Variants in MAF observed in about 807,000 individuals in gnomAD.
MAF encodes the protein MAF bZIP transcription factor, also known as transcription factor Maf.
MAF carries 10 observed loss-of-function variants against 22.0 expected under a neutral mutation model. The ratio of observed to expected loss-of-function variants is 0.45; its 90% CI spans 0.28 to 0.77. The LOEUF is 0.77. Ranked by LOEUF, MAF falls within the 30% of genes least tolerant of loss-of-function variation. The pLI is 0.12. For synonymous variants in MAF, 337 were observed against 255.8 expected, an observed-to-expected ratio of 1.32 and a Z score of -3.03; for missense variants, 544 against 548.4, an observed-to-expected ratio of 0.99 and a Z score of 0.08.
At chr16:79,226,394 G>C in the MAF span, among the ~76,000 whole-genome samples, 881 of 151,958 alleles carry the variant, frequency 5.8e-3, 4 homozygotes, top group Admixed American at 8.5e-3. Flanking sequence ...GGGGTGTTAG[G>C]GGAGGGATAG....
chr16:79,290,557 C>T, the MAF span, among the ~76,000 whole-genome samples: 9 of 151,776 alleles, frequency 5.9e-5, no homozygotes, highest in African/African-American at 9.7e-5. Flanking sequence ...AACCATGCTG[C>T]GACGTGTGTG....
At chr16:79,276,034 G>A in the MAF span, among the ~76,000 whole-genome samples, 1 of 152,034 alleles carries the variant, frequency 6.6e-6, no homozygotes, top group African/African-American at 2.4e-5. Context: ...CCACCTACTC[G>A]GGAGGCTGAG....
chr16:79,479,166 A>T, the MAF span, among the ~76,000 whole-genome samples: 1 of 152,242 alleles, frequency 6.6e-6, no homozygotes, highest in South Asian at 2.1e-4. Flanking sequence ...CCCGTATCCC[A>T]TCTTAATGTG....
At chr16:79,589,894 G>A (rs949414638), downstream of MAF, among the ~76,000 whole-genome samples, 2 of 152,172 alleles carry the variant, frequency 1.3e-5, no homozygotes, top group African/African-American at 4.8e-5. Context: ...ATCTCCGAGG[G>A]GCGCTGCGTT....
At chr16:79,318,691 T>C in the MAF span, among the ~76,000 whole-genome samples, 2 of 152,328 alleles carry the variant, frequency 1.3e-5, no homozygotes, top group Admixed American at 1.3e-4. Context: ...ATCATCTGCA[T>C]GACACATCCT....
At chr16:79,271,026 G>A in the MAF span, among the ~76,000 whole-genome samples, 9 of 151,194 alleles carry the variant, frequency 6.0e-5, no homozygotes, top group East Asian at 2.0e-4. Flanking sequence ...TCAGCCTCCC[G>A]AGTAGCTGGG....
At chr16:79,441,097 C>G in the MAF span, among the ~76,000 whole-genome samples, 1 of 152,158 alleles carries the variant, frequency 6.6e-6, no homozygotes, top group Non-Finnish European at 1.5e-5. Context: ...GAATCTCTTC[C>G]CCAGCCATAG....
At chr16:79,578,729 G>A in the MAF span, among the ~76,000 whole-genome samples, 1 of 152,124 alleles carries the variant, frequency 6.6e-6, no homozygotes, top group Admixed American at 6.6e-5. Context: ...AATTTCACTT[G>A]CTATTAATCG....
the MAF span, among the ~76,000 whole-genome samples, chr16:79,506,343 T>G: frequency 6.6e-6 from 1 of 152,170 alleles, no homozygotes; most frequent in South Asian, 2.1e-4. Flanking sequence ...CCCATGATTT[T>G]TTTATTTCCT....
chr16:79,246,079 G>A, the MAF span, among the ~76,000 whole-genome samples: 4 of 152,126 alleles, frequency 2.6e-5, no homozygotes, highest in African/African-American at 4.8e-5. Flanking sequence ...TTAGCGGAGG[G>A]ATAGCATTAG....
the MAF span, among the ~76,000 whole-genome samples, chr16:79,478,115 A>G: frequency 6.6e-5 from 10 of 152,336 alleles, no homozygotes; most frequent in South Asian, 6.2e-4. Context: ...CCTTGCCCAC[A>G]GCCTCCAGAC....
At chr16:79,531,469 T>C in the MAF span, among the ~76,000 whole-genome samples, 25 of 152,058 alleles carry the variant, frequency 1.6e-4, no homozygotes, top group African/African-American at 6.0e-4. Context: ...AATTATAATA[T>C]ATAATGAATT....
the MAF span, chr16:79,212,824 A>AGTTTGT: frequency 1.3e-5 from 2 of 152,050 alleles, no homozygotes; most frequent in Admixed American, 1.3e-4. Context: ...TCTCTGAGTG[A>AGTTTGT]GTTTGTGTTT....
the MAF span, among the ~76,000 whole-genome samples, chr16:79,503,023 G>A: frequency 1.3e-5 from 2 of 151,904 alleles, no homozygotes; most frequent in Non-Finnish European, 2.9e-5. Flanking sequence ...GTAAAAATCA[G>A]TAAACTATCT....
At chr16:79,383,243 A>G in the MAF span, among the ~76,000 whole-genome samples, 1 of 152,198 alleles carries the variant, frequency 6.6e-6, no homozygotes, top group Non-Finnish European at 1.5e-5. Context: ...GGGTGGGGAT[A>G]AGAGATAAAG....
the MAF span, among the ~76,000 whole-genome samples, chr16:79,521,301 G>C: frequency 0.12 from 17,640 of 152,228 alleles, 2,154 homozygotes; most frequent in East Asian, 0.44. Context: ...TATATGATGG[G>C]GAATTGTCCT....
At chr16:79,478,556 T>TTATTTATA in the MAF span, among the ~76,000 whole-genome samples, 2 of 152,174 alleles carry the variant, frequency 1.3e-5, no homozygotes, top group East Asian at 1.9e-4. Context: ...TTTTGACTCT[T>TTATTTATA]TATTTATAGG....
At chr16:79,430,472 G>A in the MAF span, among the ~76,000 whole-genome samples, 2 of 152,212 alleles carry the variant, frequency 1.3e-5, no homozygotes, top group African/African-American at 4.8e-5. Flanking sequence ...CCGCAGAACT[G>A]TTTCTGCTCT....
the MAF span, among the ~76,000 whole-genome samples, chr16:79,491,197 T>A: frequency 1.3e-5 from 2 of 152,144 alleles, no homozygotes; most frequent in Non-Finnish European, 2.9e-5. Flanking sequence ...GCCTGACGGC[T>A]GAAAACAGCA....
Sources: allele counts gnomAD v4.1 joint callset (sites outside exome capture counted in the v4.1 genomes callset), GRCh38; gene constraint gnomAD v4.1.1; transcripts MANE v1.5; gene names NCBI Gene and HGNC (gene_info 2026-07-23, HGNC 2026-07-21).